Variants in NIPBL observed in about 807,000 individuals in gnomAD.
NIPBL encodes the protein NIPBL cohesin loading factor.
A neutral mutation model predicts 321.8 loss-of-function variants in NIPBL; 19 were observed. That is an observed-to-expected ratio of 0.06 (90% CI 0.04 to 0.09). The LOEUF (loss-of-function observed/expected upper bound fraction) is 0.09, where lower values mean the gene tolerates loss of function less well. NIPBL is among the 10% of genes least tolerant of loss of function. NIPBL has a pLI of 1.00. For synonymous variants in NIPBL, 1,106 were observed against 1,114.1 expected (o/e 0.99, Z 0.14); for missense variants, 2,210 against 3,327.0 (o/e 0.66, Z 8.26).
At chr5:36,992,524 G>T (rs1053120887) in intron 10 of NIPBL, among the ~76,000 whole-genome samples, 1 of 151,656 alleles carries the variant, frequency 6.6e-6, no homozygotes, top group Non-Finnish European at 1.5e-5. Flanking sequence ...GGATCCTTTT[G>T]TTTTTTTAAA....
chr5:36,908,984 G>A (rs1263473578), intron 1 of NIPBL, among the ~76,000 whole-genome samples: 2 of 152,122 alleles, frequency 1.3e-5, no homozygotes, highest in Non-Finnish European at 2.9e-5. Flanking sequence ...GTCTCCACTT[G>A]AACCTTGTTG....
Position 36,876,796 on chromosome 5 carries a change from CGA to C in NIPBL, c.-453_-452del, listed in dbSNP as rs1033433170. On this transcript the variant is annotated 5_prime_UTR_variant, in exon 1 of 47. Transcript: ENST00000282516. ...TTTGTTCTGAGAGGGAGAGACGGAA[CGA>C]GAGAGAGACACACACAGGGCTCCTT... 6 of 396,802 alleles carry C rather than the reference CGA, an allele frequency of 1.5e-5. No homozygotes were observed. Among genetic ancestry groups the C allele is most frequent in the Admixed American group, 8.8e-5 (2 of 22,626 alleles). 24.6% of individuals were successfully genotyped at this position (396,802 alleles called of 1,614,324 possible).
At chr5:36,987,337 CT>C (rs1229826035) in intron 10 of NIPBL, among the ~76,000 whole-genome samples, 2 of 152,022 alleles carry the variant, frequency 1.3e-5, no homozygotes, top group African/African-American at 4.8e-5. Context: ...TAACCATTGC[CT>C]TTTTTGGCTA....
chr5:37,002,249 T>G (rs1746897100), intron 14 of NIPBL, among the ~76,000 whole-genome samples: 1 of 152,118 alleles, frequency 6.6e-6, no homozygotes, highest in Non-Finnish European at 1.5e-5. Flanking sequence ...TGAGGAGACC[T>G]TGTAAGCAAA....
At chr5:37,007,163 CTA>C (rs1174690879) in intron 17 of NIPBL, among the ~76,000 whole-genome samples, 158 bp from the exon 18 acceptor site, 3 of 151,914 alleles carry the variant, frequency 2.0e-5, no homozygotes, top group African/African-American at 7.2e-5. Flanking sequence ...TAGAATATCT[CTA>C]GAGAGTAATT....
At chr5:36,925,045 T>C (rs1749245841) in intron 1 of NIPBL, among the ~76,000 whole-genome samples, 1 of 152,196 alleles carries the variant, frequency 6.6e-6, no homozygotes, top group South Asian at 2.1e-4. Flanking sequence ...CTTATGCAGG[T>C]ATTTCATAAG....
At chr5:36,889,507 G>T (rs1449498874) in intron 1 of NIPBL, among the ~76,000 whole-genome samples, 1 of 152,050 alleles carries the variant, frequency 6.6e-6, no homozygotes, top group East Asian at 1.9e-4. Context: ...ATATGTCAGG[G>T]TGCCACTGCA....
intron 18 of NIPBL, 86 bp from the exon 19 acceptor site, chr5:37,007,922 C>T (rs1299444086): frequency 2.4e-6 from 2 of 836,594 alleles, no homozygotes; most frequent in East Asian, 2.5e-5. Flanking sequence ...TTCCAGTAAG[C>T]TTATGAATGT....
intron 27 of NIPBL, 68 bp downstream of exon 27, chr5:37,020,945 A>G: frequency 2.0e-6 from 2 of 1,017,034 alleles, no homozygotes; most frequent in Non-Finnish European, 3.1e-6. Flanking sequence ...TGTGAGCAGT[A>G]TATAATATCA....
At position 36,975,688 on chromosome 5, in the gene NIPBL, C is replaced by T. The variant is rs1213936763; in HGVS notation, c.869-88C>T. On this transcript the variant is annotated intron_variant, in intron 8 of 46. Transcript: ENST00000282516. Reference sequence around the variant, plus strand: ...AATTTCTTATTTTTTTCTAGTATTACTATATTGTCACTTATTAATATTTCT... The same window carrying T: ...AATTTCTTATTTTTTTCTAGTATTATTATATTGTCACTTATTAATATTTCT... 3 of 1,228,640 alleles carry T rather than the reference C, an allele frequency of 2.4e-6. No homozygotes were observed. In the Admixed American group the frequency reaches 5.4e-5, roughly 22 times the overall value. The allele number at this position is 1,228,640 out of a possible 1,614,324, so 76.1% of individuals were successfully genotyped here. A position where few individuals can be genotyped will look rare whatever the true frequency, so the allele number is the denominator to read the frequency against.
Position 36,913,576 on chromosome 5 carries a change from C to T in NIPBL, c.-80+36398C>T, listed in dbSNP as rs766388642. On this transcript the variant is annotated intron_variant, in intron 1 of 46. Transcript: ENST00000282516. Reference sequence around the variant, plus strand: ...GGCTAATTTTTCTGTAGAGAAACTCCCAATTTTTCTGGTCTTGAACTCCTG... The same window carrying T: ...GGCTAATTTTTCTGTAGAGAAACTCTCAATTTTTCTGGTCTTGAACTCCTG... Among the ~76,000 whole-genome samples, 12 of 151,660 alleles carry T rather than the reference C, an allele frequency of 7.9e-5. 1 individual carries two copies.
intron 1 of NIPBL, among the ~76,000 whole-genome samples, chr5:36,952,776 G>T (rs1013399286): frequency 2.6e-5 from 4 of 152,176 alleles, no homozygotes; most frequent in African/African-American, 4.8e-5. Context: ...TATGTGACTT[G>T]TAAGAAACAT....
In NIPBL at chr5:37,003,280, T is replaced by C; in HGVS notation, c.3788T>C (p.Val1263Ala). 6.2e-7 allele frequency: 1 copy of C among 1,600,302 alleles called. No individual in the cohort carries two copies. Among genetic ancestry groups the C allele is most frequent in the Non-Finnish European group, 8.6e-7 (1 of 1,167,864 alleles). The change falls in exon 16 of 47, where the codon GTG becomes GCG. Residue 1263 changes from valine (V) to alanine (A), a missense_variant. This residue lies in a region of NIPBL where 381 missense variants were observed against 642.3 expected (regional missense o/e 0.59). Coordinates refer to ENST00000282516, the MANE Select transcript of NIPBL (RefSeq NM_133433.4). ...IMDKLSTDKT[V>A]KVLNILEKNI... is the part of the protein sequence containing the mutation. ...TTTTAGCTTTCAACTGACAAAACTG[T>C]GAAAGTCTTAAATATCTTGGAGAAG... is the stretch of plus-strand genomic sequence containing the variant.
At chr5:37,013,468 G>A (rs1419100467) in intron 21 of NIPBL, among the ~76,000 whole-genome samples, 12 of 150,192 alleles carry the variant, frequency 8.0e-5, no homozygotes, top group East Asian at 6.0e-4. Context: ...GCTGCCGGGC[G>A]GAGGGGCTCC....
intron 11 of NIPBL, among the ~76,000 whole-genome samples, chr5:36,999,514 A>G (rs1561136382): frequency 1.3e-5 from 2 of 152,164 alleles, no homozygotes; most frequent in South Asian, 2.1e-4. Flanking sequence ...TTGCTGAACT[A>G]TGATGCTTTC....
At chr5:36,894,150 A>T (rs936290439) in intron 1 of NIPBL, among the ~76,000 whole-genome samples, 3 of 152,192 alleles carry the variant, frequency 2.0e-5, no homozygotes, top group Non-Finnish European at 4.4e-5. Context: ...ATCCTTCTCA[A>T]ATATATTTCC....
chr5:36,966,794 G>C (rs1742256138), intron 6 of NIPBL, among the ~76,000 whole-genome samples: 2 of 151,916 alleles, frequency 1.3e-5, no homozygotes, highest in Admixed American at 6.6e-5. Context: ...TGCAATTTTA[G>C]CTGGATTCCT....
chr5:37,008,031 A>G lies in NIPBL; in HGVS notation c.4263A>G (p.Pro1421=). 6.2e-7 allele frequency: 1 copy of G among 1,610,332 alleles called. No homozygotes were observed. Residue 1421 remains proline (P), a synonymous_variant, in exon 19 of 47, where the codon CCA becomes CCG. Coordinates refer to ENST00000282516, the MANE Select transcript of NIPBL (RefSeq NM_133433.4). ...ILQVSSMGIT[P]FFVENVSELQ... is the part of the protein sequence containing the mutation. ...AGGTTTCATCTATGGGAATAACACC[A>G]TTTTTTGTGGAAAATGTCAGTGAAC...
At chr5:36,899,860 A>G (rs1293920751) in intron 1 of NIPBL, among the ~76,000 whole-genome samples, 1 of 152,202 alleles carries the variant, frequency 6.6e-6, no homozygotes, top group Admixed American at 6.5e-5. Context: ...ATGACAGACT[A>G]GGGGTACTTA....
Sources: allele counts gnomAD v4.1 joint callset (sites outside exome capture counted in the v4.1 genomes callset), GRCh38; gene constraint gnomAD v4.1.1; regional missense constraint gnomAD v4.1.1; transcripts MANE v1.5; gene names NCBI Gene and HGNC (gene_info 2026-07-23, HGNC 2026-07-21).